The following RFC1 variants were observed in gnomAD, a reference collection of about 807,000 sequenced individuals.
The protein encoded by RFC1 is replication factor C subunit 1, also known as A1 140 kDa subunit.
A neutral mutation model predicts 137.4 loss-of-function variants in RFC1; 37 were observed. The observed-to-expected ratio is 0.27, with a 90% CI of 0.21 to 0.35. The LOEUF (loss-of-function observed/expected upper bound fraction) is 0.35. Among genes scored for constraint, RFC1 ranks in the 10% least tolerant of loss-of-function variants. The probability of loss-of-function intolerance (pLI) is 1.00; values close to 1 mark genes in which losing one functional copy is unlikely to be tolerated. For synonymous variants in RFC1, 429 were observed against 455.7 expected (o/e 0.94, Z 0.75); for missense variants, 1,205 against 1,358.5 (o/e 0.89, Z 1.78).
At chr4:39,300,486 A>T in intron 19 of RFC1, 72 bp from the exon 20 acceptor site, 1 of 1,097,468 alleles carries the variant, frequency 9.1e-7, no homozygotes, top group Middle Eastern at 2.7e-4. Context: ...AATGCTAACG[A>T]GGATATGGAA....
chr4:39,360,541 AAATAAAATAAAATAAATAC>A (rs1319096084), intron 1 of RFC1, among the ~76,000 whole-genome samples: 2 of 149,390 alleles, frequency 1.3e-5, no homozygotes, highest in Non-Finnish European at 3.0e-5. Flanking sequence ...AAATAAAATA[AAATAAAATAAAATAAATAC>A]AATAAAATAA....
intron 19 of RFC1, among the ~76,000 whole-genome samples, chr4:39,301,413 G>A (rs1738355444): frequency 6.6e-6 from 1 of 152,330 alleles, no homozygotes; most frequent in South Asian, 2.1e-4. Context: ...AAGAGGGAAT[G>A]CTAATGTCAA....
chr4:39,299,896 CA>C (rs1738254860), intron 21 of RFC1, 124 bp downstream of exon 21: 2 of 650,474 alleles, frequency 3.1e-6, no homozygotes, highest in Admixed American at 5.4e-5. Flanking sequence ...GCCCGGGCAA[CA>C]GAGCGAGACT....
intron 22 of RFC1, 115 bp from the exon 23 acceptor site, chr4:39,291,967 A>G: frequency 2.7e-6 from 2 of 749,832 alleles, no homozygotes. Context: ...ATAATGCTGA[A>G]TGGAATGCCT....
intron 19 of RFC1, among the ~76,000 whole-genome samples, chr4:39,300,721 A>C (rs1186965192): frequency 1.3e-5 from 2 of 152,248 alleles, no homozygotes; most frequent in Non-Finnish European, 2.9e-5. Context: ...TAGTAGGTAA[A>C]TAAACAATTT....
At chr4:39,351,228 G>C (rs1741175240) in intron 2 of RFC1, 120 bp downstream of exon 2, 5 of 584,134 alleles carry the variant, frequency 8.6e-6, no homozygotes, top group Non-Finnish European at 1.2e-5. Context: ...TACAGCCTGG[G>C]CGACAGAGCA....
chr4:39,358,043 G>A (rs1741569689), intron 1 of RFC1, among the ~76,000 whole-genome samples: 1 of 152,094 alleles, frequency 6.6e-6, no homozygotes, highest in Non-Finnish European at 1.5e-5. Context: ...GGGAGGCCAA[G>A]GCGGGTGGAT....
intron 14 of RFC1, 42 bp downstream of exon 14, chr4:39,306,550 C>G: frequency 9.1e-7 from 1 of 1,095,216 alleles, no homozygotes. Context: ...GCCATGACCA[C>G]TCGAGGTTAT....
chr4:39,330,057 A>G (rs1449705958), intron 4 of RFC1, among the ~76,000 whole-genome samples: 1 of 152,098 alleles, frequency 6.6e-6, no homozygotes, highest in Admixed American at 6.5e-5. Flanking sequence ...TTTTTTAAAT[A>G]AAAGACAACC....
At chr4:39,346,472 G>A (rs530903367) in intron 2 of RFC1, among the ~76,000 whole-genome samples, 6 of 142,906 alleles carry the variant, frequency 4.2e-5, no homozygotes, top group African/African-American at 1.3e-4. Flanking sequence ...GCAAAATTCC[G>A]TCTCAAAAAA....
intron 12 of RFC1, 40 bp downstream of exon 12, chr4:39,311,405 T>C (rs776800741): frequency 6.5e-7 from 1 of 1,539,278 alleles, no homozygotes. Context: ...ATTAAAAAGT[T>C]AATATACACC....
At position 39,287,600 on chromosome 4, in the gene RFC1, G is replaced by A. The variant is rs1313161055; in HGVS notation, c.*1161C>T. The A allele has an allele frequency of 6.6e-6, 1 of 152,124 alleles. No individual in the cohort carries two copies. The highest frequency in any genetic ancestry group is 2.4e-5 in the African/African-American group (1 of 41,412). 9.4% of individuals were successfully genotyped at this position (152,124 alleles called of 1,614,324 possible). A position where few individuals can be genotyped will look rare whatever the true frequency, so the allele number is the denominator to read the frequency against. On this transcript the variant is annotated 3_prime_UTR_variant, in exon 25 of 25. Coordinates refer to ENST00000349703, the MANE Select transcript of RFC1 (RefSeq NM_002913.5). Reference sequence around the variant, plus strand: ...ACCAGTTCCTTAAAGCAGGGAATACGATCCTTATTTTACATTCATTTTAGT... The same window carrying A: ...ACCAGTTCCTTAAAGCAGGGAATACAATCCTTATTTTACATTCATTTTAGT...
At position 39,306,167 on chromosome 4, in the gene RFC1, C is replaced by T. The variant is rs369808964; in HGVS notation, c.1995+425G>A. The stretch of plus-strand genomic sequence containing the variant: ...AGAGCAGAACCCTGAGTCGCGCTAC[C>T]GGGTGAAAACTGGGCCTCCACCCTC... On this transcript the variant is annotated intron_variant, in intron 14 of 24. Coordinates refer to ENST00000349703, the MANE Select transcript of RFC1 (RefSeq NM_002913.5). Among the ~76,000 whole-genome samples, 78 of 152,274 alleles carry T rather than the reference C, an allele frequency of 5.1e-4. No individual in the cohort carries two copies. The South Asian group carries it at 0.014, about 28-fold the overall frequency.
In RFC1 at chr4:39,290,006, C is replaced by T. The variant is rs1222086660; in HGVS notation, c.3202G>A (p.Glu1068Lys). ...KAAFTRAYNK[E>K]AHLTPYSLQA... Reference sequence around the variant, plus strand: ...AGTGAGTATGGAGTAAGGTGGGCTTCCTTATTGTAAGCTCTTGTGAAGGCT... The same window carrying T: ...AGTGAGTATGGAGTAAGGTGGGCTTTCTTATTGTAAGCTCTTGTGAAGGCT... The change falls in exon 24 of 25, where the codon GAA becomes AAA. Residue 1068 changes from glutamate (E) to lysine (K), a missense_variant. This residue lies in a region of RFC1 where 237 missense variants were observed against 304.2 expected (regional missense o/e 0.78). Transcript: ENST00000349703. The T allele has an allele frequency of 2.5e-6, 4 of 1,613,574 alleles. No homozygotes were observed. The highest frequency in any genetic ancestry group is 3.4e-6 in the Non-Finnish European group (4 of 1,179,740).
At chr4:39,348,437 A>AG (rs1740991321) in intron 2 of RFC1, among the ~76,000 whole-genome samples, 4 of 107,140 alleles carry the variant, frequency 3.7e-5, no homozygotes, top group African/African-American at 7.4e-5. Flanking sequence ...AAGAAAAGAA[A>AG]AGAAAAGAAA....
At chr4:39,336,685 C>T (rs1740369995) in intron 4 of RFC1, among the ~76,000 whole-genome samples, 1 of 152,236 alleles carries the variant, frequency 6.6e-6, no homozygotes, top group Non-Finnish European at 1.5e-5. Flanking sequence ...GTTGTGACAA[C>T]CAAAAATGTC....
At chr4:39,290,852 A>G (rs937559492) in intron 23 of RFC1, among the ~76,000 whole-genome samples, 1 of 151,894 alleles carries the variant, frequency 6.6e-6, no homozygotes, top group Non-Finnish European at 1.5e-5. Context: ...ATCACAAGAT[A>G]TAAGTTGGCC....
At chr4:39,330,214 G>C (rs1016238679) in intron 4 of RFC1, among the ~76,000 whole-genome samples, 2 of 152,022 alleles carry the variant, frequency 1.3e-5, no homozygotes, top group Admixed American at 6.6e-5. Flanking sequence ...CCCAGGCACT[G>C]TGTTATCCTT....
At chr4:39,315,223 A>G (rs1235625263) in intron 10 of RFC1, among the ~76,000 whole-genome samples, 2 of 152,252 alleles carry the variant, frequency 1.3e-5, no homozygotes, top group Non-Finnish European at 2.9e-5. Context: ...TAAATGGAAC[A>G]ATTTCCGGTC....
Sources: gnomAD v4.1 joint callset for allele counts (sites outside exome capture counted in the v4.1 genomes callset) on GRCh38, gnomAD v4.1.1 for gene constraint, gnomAD v4.1.1 regional missense constraint, MANE v1.5 for transcripts, NCBI Gene and HGNC (gene_info 2026-07-23, HGNC 2026-07-21) for gene names.